The following TRAM1 variants were observed in gnomAD, a reference collection of about 807,000 sequenced individuals.
The protein encoded by TRAM1 is translocating chain-associated membrane protein 1.
A neutral mutation model predicts 48.7 loss-of-function variants in TRAM1; 17 were observed. The ratio of observed to expected loss-of-function variants is 0.35; its 90% CI spans 0.24 to 0.52. The LOEUF (loss-of-function observed/expected upper bound fraction) is 0.52, where lower values mean the gene tolerates loss of function less well. Ranked by LOEUF, TRAM1 falls within the 20% of genes least tolerant of loss-of-function variation. TRAM1 has a pLI of 0.94. For missense variants in TRAM1, 351 were observed against 441.5 expected (o/e 0.79, Z 1.84); for synonymous variants, 182 against 154.0 (o/e 1.18, Z -1.34).
intron 4 of TRAM1, among the ~76,000 whole-genome samples, chr8:70,597,584 C>A (rs562598280): frequency 7.0e-6 from 1 of 143,474 alleles, no homozygotes; most frequent in Non-Finnish European, 1.5e-5. Context: ...GCAGGAGAAT[C>A]GCTTGAACCC....
intron 6 of TRAM1, among the ~76,000 whole-genome samples, chr8:70,588,511 G>A (rs1297231928): frequency 6.6e-6 from 1 of 152,098 alleles, no homozygotes; most frequent in Admixed American, 6.6e-5. Context: ...GATTGCTTGA[G>A]CCCAGGAGTT....
At chr8:70,607,508 C>T (rs1262048030) in intron 1 of TRAM1, 1 of 984,922 alleles carries the variant, frequency 1.0e-6, no homozygotes, top group African/African-American at 1.7e-5. Context: ...AGATGCCTGA[C>T]TCCGGTTTCT....
Position 70,583,682 on chromosome 8 carries a change from G to A in TRAM1, c.858C>T (p.Phe286=), listed in dbSNP as rs1200171962. The part of the protein sequence containing the change: ...LARAENQKLD[F]STGNFNVLAV... ...CTAACACATTGAAGTTTCCAGTACT[G>A]AAATCCAGCTTCTGATTTTCTGCTC... Residue 286 remains phenylalanine (F), a synonymous_variant, in exon 9 of 11, where the codon TTC becomes TTT. Coordinates refer to ENST00000262213, the MANE Select transcript of TRAM1 (RefSeq NM_014294.6). 6.2e-7 allele frequency: 1 copy of A among 1,613,042 alleles called. No homozygotes were observed. The highest frequency in any genetic ancestry group is 8.5e-7 in the Non-Finnish European group (1 of 1,179,712).
chr8:70,598,139 A>G lies in TRAM1; in HGVS notation c.304T>C (p.Leu102=). The G allele has an allele frequency of 6.2e-7, 1 of 1,612,574 alleles. No homozygotes were observed. The highest frequency in any genetic ancestry group is 8.5e-7 in the Non-Finnish European group (1 of 1,179,278). The part of the protein sequence containing the change: ...IIHAVIQEYM[L]DKINRRMHFS... Reference sequence around the variant, plus strand: ...TTCTAAGACTGCATACTTACATCCAACATATACTCTTGAATTACGGCATGA... The same window carrying G: ...TTCTAAGACTGCATACTTACATCCAGCATATACTCTTGAATTACGGCATGA... Residue 102 remains leucine, a synonymous_variant, in exon 3 of 11, where the codon TTG becomes CTG. Transcript: ENST00000262213.
chr8:70,582,735 G>C (rs1817107994), intron 10 of TRAM1, among the ~76,000 whole-genome samples: 1 of 152,024 alleles, frequency 6.6e-6, no homozygotes, highest in Non-Finnish European at 1.5e-5. Context: ...AGGCTTTAAA[G>C]ACAAAGAATC....
intron 10 of TRAM1, among the ~76,000 whole-genome samples, chr8:70,575,410 TTTTA>T (rs1000038123): frequency 6.6e-6 from 1 of 152,166 alleles, no homozygotes; most frequent in Non-Finnish European, 1.5e-5. Flanking sequence ...ATGGCCTTCT[TTTTA>T]TTTATTTATG....
chr8:70,597,851 CT>C, intron 4 of TRAM1, 43 bp downstream of exon 4: 2 of 1,422,624 alleles, frequency 1.4e-6, no homozygotes, highest in Non-Finnish European at 1.9e-6. Flanking sequence ...AGTTTCTAAT[CT>C]TAGATAAGGA....
intron 6 of TRAM1, among the ~76,000 whole-genome samples, chr8:70,590,605 C>T (rs1030848669): frequency 6.6e-6 from 1 of 152,202 alleles, no homozygotes; most frequent in African/African-American, 2.4e-5. Context: ...CTCAAGTGAT[C>T]CTGCTATCTC....
chr8:70,599,928 A>T (rs930405470), intron 2 of TRAM1, 91 bp downstream of exon 2: 1 of 918,520 alleles, frequency 1.1e-6, no homozygotes, highest in African/African-American at 1.7e-5. Flanking sequence ...CTGACGATTA[A>T]TTAACGCAGG....
Position 70,597,655 on chromosome 8 carries a change from C to G in TRAM1, c.426+240G>C, listed in dbSNP as rs7819678. Among the ~76,000 whole-genome samples, 5 of 103,116 alleles carry G rather than the reference C, an allele frequency of 4.8e-5. No homozygotes were observed. The East Asian group carries it at 1.5e-3, about 31-fold the overall frequency. The allele number at this position is 103,116 out of a possible 152,430, so 67.6% of individuals were successfully genotyped here. A position where few individuals can be genotyped will look rare whatever the true frequency, so the allele number is the denominator to read the frequency against. On this transcript the variant is annotated intron_variant, in intron 4 of 10. Coordinates refer to ENST00000262213, the MANE Select transcript of TRAM1 (RefSeq NM_014294.6). Reference sequence around the variant, plus strand: ...ACTGCACTCCAGCCTGGAGACAGAGCGAGACTCTGTCTCAAAAAAAAAAAA... The same window carrying G: ...ACTGCACTCCAGCCTGGAGACAGAGGGAGACTCTGTCTCAAAAAAAAAAAA...
At chr8:70,576,965 A>G (rs2622653) in intron 10 of TRAM1, among the ~76,000 whole-genome samples, 111,446 of 152,102 alleles carry the variant, frequency 0.73, 42,547 homozygotes, top group Non-Finnish European at 0.85. Context: ...CTGGGATTAG[A>G]GCAGCACTGA....
In TRAM1 at chr8:70,598,296, A is replaced by T. The variant is rs201350609; in HGVS notation, c.188-41T>A. 1.9e-6 allele frequency: 3 copies of T among 1,557,966 alleles called. No homozygotes were observed. The African/African-American group carries it at 4.2e-5, about 22-fold the overall frequency. On this transcript the variant is annotated intron_variant, in intron 2 of 10. Transcript: ENST00000262213. The stretch of plus-strand genomic sequence containing the variant: ...GACACAAATACACAAAAATATACAC[A>T]AGGTTATAAAAACAGCATTAAGTAC...
intron 8 of TRAM1, among the ~76,000 whole-genome samples, chr8:70,585,013 T>C (rs1817179402): frequency 6.6e-6 from 1 of 152,184 alleles, no homozygotes; most frequent in African/African-American, 2.4e-5. Context: ...GGCATCATGC[T>C]ACCTGACTTC....
At chr8:70,591,137 T>C (rs1263869136) in intron 6 of TRAM1, among the ~76,000 whole-genome samples, 2 of 152,108 alleles carry the variant, frequency 1.3e-5, no homozygotes, top group Non-Finnish European at 2.9e-5. Context: ...TAGTGTACCA[T>C]GAGTTTTATT....
chr8:70,596,302 G>T lies in TRAM1; in HGVS notation c.446C>A (p.Pro149Gln). The T allele has an allele frequency of 6.3e-7, 1 of 1,599,066 alleles. No homozygotes were observed. The highest frequency in any genetic ancestry group is 8.5e-7 in the Non-Finnish European group (1 of 1,174,204). Residue 149 changes from proline (P) to glutamine (Q), a missense_variant, in exon 5 of 11, where the codon CCA (proline) becomes CAA (glutamine). Coordinates refer to ENST00000262213, the MANE Select transcript of TRAM1 (RefSeq NM_014294.6). ...GGGATAAGCCCTCCATAAGATAGTT[G>T]GGTCTGAGATGTAGTTTTCCTAAGA... ...ILISENYISD[P>Q]TILWRAYPHN...
At chr8:70,589,710 T>C (rs1531704) in intron 6 of TRAM1, among the ~76,000 whole-genome samples, 14,175 of 152,062 alleles carry the variant, frequency 0.093, 775 homozygotes, top group African/African-American at 0.14. Flanking sequence ...TAGTGGTGCA[T>C]GCCTGTACTT....
At chr8:70,599,974 C>G in intron 2 of TRAM1, 45 bp downstream of exon 2, 1 of 1,531,642 alleles carries the variant, frequency 6.5e-7, no homozygotes, top group Non-Finnish European at 9.0e-7. Context: ...GTTTGTTCAA[C>G]TGAACTTCTA....
In TRAM1 at chr8:70,608,324, C is replaced by A. The variant is rs1328220807; in HGVS notation, c.-125G>T. On this transcript the variant is annotated 5_prime_UTR_variant, in exon 1 of 11. Transcript: ENST00000262213. ...GCCCCGCTGCAGCCGCTCGCTGGGGCTTCACTTCCCATCCCACAGCCAGTA... is the reference window on the plus strand; with the variant it reads ...GCCCCGCTGCAGCCGCTCGCTGGGGATTCACTTCCCATCCCACAGCCAGTA... 45 of 1,290,320 alleles carry A rather than the reference C, an allele frequency of 3.5e-5. No homozygotes were observed. The South Asian group carries it at 6.1e-4, about 17-fold the overall frequency. 79.9% of individuals were successfully genotyped at this position (1,290,320 alleles called of 1,614,324 possible). A position where few individuals can be genotyped will look rare whatever the true frequency, so the allele number is the denominator to read the frequency against.
intron 1 of TRAM1, among the ~76,000 whole-genome samples, chr8:70,603,485 G>A (rs751905661): frequency 2.0e-5 from 3 of 152,198 alleles, no homozygotes; most frequent in Non-Finnish European, 4.4e-5. Context: ...GGGAGGCCAA[G>A]GTGGCTGGCT....
Sources: allele counts gnomAD v4.1 joint callset (sites outside exome capture counted in the v4.1 genomes callset), GRCh38; gene constraint gnomAD v4.1.1; transcripts MANE v1.5; gene names NCBI Gene and HGNC (gene_info 2026-07-23, HGNC 2026-07-21).